The following RANBP17 variants were observed in gnomAD, a reference collection of about 807,000 sequenced individuals.
The protein encoded by RANBP17 is RAN binding protein 17.
RANBP17 carries 158 observed loss-of-function variants against 141.2 expected under a neutral mutation model. The observed-to-expected ratio is 1.12, with a 90% CI of 0.98 to 1.28. The LOEUF is 1.28. Among genes scored for constraint, RANBP17 ranks in the 50% most tolerant of loss-of-function variants. The pLI, the probability that RANBP17 is intolerant of heterozygous loss-of-function variation, is 0.00. For synonymous variants in RANBP17, 430 were observed against 450.0 expected (o/e 0.96, Z 0.56); for missense variants, 1,438 against 1,290.7 (o/e 1.11, Z -1.75).
intron 14 of RANBP17, among the ~76,000 whole-genome samples, chr5:171,163,687 A>G (rs1489924640): frequency 6.6e-6 from 1 of 152,224 alleles, no homozygotes; most frequent in African/African-American, 2.4e-5. Flanking sequence ...AGAACCAGTT[A>G]AAAACCTTCA....
chr5:171,249,492 T>C (rs1765420889), intron 24 of RANBP17, among the ~76,000 whole-genome samples: 1 of 152,182 alleles, frequency 6.6e-6, no homozygotes, highest in African/African-American at 2.4e-5. Flanking sequence ...AGCAGCTCAG[T>C]GTGTTATAAG....
chr5:171,102,301 T>G (rs1354947146), intron 14 of RANBP17, among the ~76,000 whole-genome samples: 3 of 152,146 alleles, frequency 2.0e-5, no homozygotes, highest in Non-Finnish European at 2.9e-5. Context: ...TTTTTCATTC[T>G]GTTTTCTCTA....
intron 14 of RANBP17, among the ~76,000 whole-genome samples, chr5:171,057,820 T>G (rs1783508254): frequency 6.6e-6 from 1 of 152,068 alleles, no homozygotes; most frequent in Non-Finnish European, 1.5e-5. Flanking sequence ...TCAGATCTTC[T>G]GAGAACTCAC....
intron 14 of RANBP17, among the ~76,000 whole-genome samples, chr5:171,155,094 A>AAT (rs1554106866): frequency 0.07 from 5,191 of 74,648 alleles, 312 homozygotes; most frequent in Admixed American, 0.11. Context: ...AAAAAAAAAA[A>AAT]ATATATATAT....
intron 15 of RANBP17, 31 bp from the exon 16 acceptor site, chr5:171,171,175 C>A (rs201481720): frequency 1.6e-6 from 2 of 1,224,608 alleles, no homozygotes. Context: ...AAATATCTTA[C>A]TTATAATTAA....
intron 12 of RANBP17, among the ~76,000 whole-genome samples, chr5:170,939,583 G>C (rs574200430): frequency 6.6e-6 from 1 of 151,656 alleles, no homozygotes; most frequent in African/African-American, 2.4e-5. Context: ...ACGGAGTTTC[G>C]CCATGTTGTC....
At chr5:171,258,816 A>G (rs1465898794) in intron 24 of RANBP17, among the ~76,000 whole-genome samples, 2 of 152,204 alleles carry the variant, frequency 1.3e-5, no homozygotes, top group East Asian at 3.8e-4. Flanking sequence ...ACATTGATCT[A>G]GGCAAAAAAA....
At chr5:171,129,816 T>C (rs1320101852) in intron 14 of RANBP17, among the ~76,000 whole-genome samples, 1 of 152,218 alleles carries the variant, frequency 6.6e-6, no homozygotes, top group Non-Finnish European at 1.5e-5. Flanking sequence ...TCTGGGCTTG[T>C]AGAGTTTCTC....
intron 21 of RANBP17, among the ~76,000 whole-genome samples, chr5:171,220,024 C>T (rs1224632152): frequency 3.3e-5 from 5 of 152,026 alleles, no homozygotes; most frequent in Non-Finnish European, 5.9e-5. Flanking sequence ...TCCTCATCTT[C>T]GTGTATTTAT....
intron 14 of RANBP17, among the ~76,000 whole-genome samples, chr5:170,985,079 G>GCA (rs369559248): frequency 6.9e-6 from 1 of 145,462 alleles, no homozygotes; most frequent in Non-Finnish European, 1.5e-5. Context: ...ACACACACAG[G>GCA]CACACACACA....
At chr5:170,903,116 G>C (rs2059178) in intron 5 of RANBP17, among the ~76,000 whole-genome samples, 91,492 of 152,120 alleles carry the variant, frequency 0.6, 29,239 homozygotes, top group South Asian at 0.88. Flanking sequence ...CCTTCCCCCA[G>C]GTGCTCTGTT....
chr5:171,120,667 C>T (rs932148012), intron 14 of RANBP17, among the ~76,000 whole-genome samples: 7 of 152,138 alleles, frequency 4.6e-5, no homozygotes, highest in Non-Finnish European at 8.8e-5. Context: ...ACTGAGTTTT[C>T]TTAGGAATAT....
At chr5:171,011,774 T>C (rs1780052626) in intron 14 of RANBP17, among the ~76,000 whole-genome samples, 1 of 152,046 alleles carries the variant, frequency 6.6e-6, no homozygotes, top group East Asian at 1.9e-4. Flanking sequence ...TGTAATGATA[T>C]AGGAATATTA....
Position 171,017,995 on chromosome 5 carries a change from A to G in RANBP17, c.1710+49618A>G, listed in dbSNP as rs922971199. On this transcript the variant is annotated intron_variant, in intron 14 of 27. Transcript: ENST00000523189. ...ATGGCTAGCCAGTTTTCCCAGCACC[A>G]TTTATTGAATAGGAGATCCTTTCCC... Among the ~76,000 whole-genome samples, 7 of 152,218 alleles carry G rather than the reference A, an allele frequency of 4.6e-5. 1 individual carries two copies. The highest frequency in any genetic ancestry group is 3.9e-4 in the Admixed American group (6 of 15,284).
At chr5:170,942,626 A>T (rs115681070) in intron 12 of RANBP17, among the ~76,000 whole-genome samples, 6 of 152,190 alleles carry the variant, frequency 3.9e-5, no homozygotes, top group African/African-American at 1.4e-4. Context: ...ACTCATGCTT[A>T]CTTCTAGGGT....
chr5:170,904,940 AG>A lies in RANBP17; in HGVS notation c.490-4719del, dbSNP rs1191437718. Among the ~76,000 whole-genome samples, 3 of 152,194 alleles carry A rather than the reference AG, an allele frequency of 2.0e-5. No homozygotes were observed. In the East Asian group the frequency reaches 5.8e-4, roughly 29 times the overall value. On this transcript the variant is annotated intron_variant, in intron 5 of 27. Coordinates refer to ENST00000523189, the MANE Select transcript of RANBP17 (RefSeq NM_022897.5). ...GGGATAGGTTTTATTCCAACCGTTA[AG>A]GAGGTTTTGTTTCTTCTTTAGATAA...
At chr5:170,997,123 TC>T (rs1778870612) in intron 14 of RANBP17, among the ~76,000 whole-genome samples, 1 of 152,164 alleles carries the variant, frequency 6.6e-6, no homozygotes, top group Non-Finnish European at 1.5e-5. Context: ...GTTTGGTAGT[TC>T]CTGCTGCATT....
At chr5:171,242,530 G>T in intron 23 of RANBP17, 152 bp from the exon 24 acceptor site, 1 of 738,008 alleles carries the variant, frequency 1.4e-6, no homozygotes. Context: ...ATGCTGGATT[G>T]GGACTCATTA....
intron 14 of RANBP17, among the ~76,000 whole-genome samples, chr5:171,093,239 A>G (rs766121283): frequency 1.3e-5 from 2 of 151,320 alleles, no homozygotes; most frequent in Non-Finnish European, 2.9e-5. Flanking sequence ...AGACATTTTT[A>G]TACATATCAC....
Sources: gnomAD v4.1 joint callset for allele counts (sites outside exome capture counted in the v4.1 genomes callset) on GRCh38, gnomAD v4.1.1 for gene constraint, MANE v1.5 for transcripts, NCBI Gene and HGNC (gene_info 2026-07-23, HGNC 2026-07-21) for gene names.